Variants in RHBDD3 observed in about 807,000 individuals in gnomAD.
The protein encoded by RHBDD3 is rhomboid domain containing 3.
In RHBDD3, 34 loss-of-function variants were observed where a neutral mutation model predicts 32.3. The ratio of observed to expected loss-of-function variants is 1.05; its 90% CI spans 0.80 to 1.40. The LOEUF is 1.40. Among genes scored for constraint, RHBDD3 ranks in the 40% most tolerant of loss-of-function variants. The probability of loss-of-function intolerance (pLI) is 0.00; values close to 1 mark genes in which losing one functional copy is unlikely to be tolerated. For missense variants in RHBDD3, 482 were observed against 492.6 expected, an observed-to-expected ratio of 0.98 and a Z score of 0.20; for synonymous variants, 249 against 239.1, an observed-to-expected ratio of 1.04 and a Z score of -0.38.
At position 29,260,726 on chromosome 22, in the gene RHBDD3, G is replaced by T; in HGVS notation, c.671C>A (p.Pro224His). The change falls in exon 5 of 7, where the codon CCT (proline) becomes CAT (histidine). Residue 224 changes from proline to histidine, a missense_variant. Physicochemically the swap from Pro to His is moderately conservative, Grantham distance 77. Transcript: ENST00000216085. ...CCTCACTCCGGCAGGATGGGTGACA[G>T]GCAGCTCCGCCAGGCTACCCGGGGT... ...LATPGSLAEL[P>H]VTHPAGVRPP... 1.3e-6 allele frequency: 2 copies of T among 1,591,250 alleles called. No individual in the cohort carries two copies. Among genetic ancestry groups the T allele is most frequent in the East Asian group, 4.5e-5 (2 of 44,364 alleles).
chr22:29,263,956 T>A lies in RHBDD3; in HGVS notation c.411A>T (p.Arg137Ser). ...AMLAGEGHRP[R>S]RPRGALPPWL... ...ACGGTGGCAGTGCCCCACGGGGCCGTCTAGGGCGGTGTCCCTCCCCAGCCA... is the reference window on the plus strand; with the variant it reads ...ACGGTGGCAGTGCCCCACGGGGCCGACTAGGGCGGTGTCCCTCCCCAGCCA... Residue 137 changes from arginine (R) to serine (S), a missense_variant, in exon 4 of 7, where the codon AGA (arginine) becomes AGT (serine). Coordinates refer to ENST00000216085, the MANE Select transcript of RHBDD3 (RefSeq NM_012265.3). 6.4e-7 allele frequency: 1 copy of A among 1,550,530 alleles called. No homozygotes were observed.
At position 29,265,592 on chromosome 22, in the gene RHBDD3, G is replaced by A; in HGVS notation, c.35C>T (p.Pro12Leu). 1 of 1,591,744 alleles carries A rather than the reference G, an allele frequency of 6.3e-7. No individual in the cohort carries two copies. The highest frequency in any genetic ancestry group is 8.5e-7 in the Non-Finnish European group (1 of 1,171,812). Residue 12 changes from proline (P) to leucine (L), a missense_variant, in exon 3 of 7, where the codon CCA (proline) becomes CTA (leucine). By Grantham distance (98) the Pro-to-Leu change is moderately conservative. Coordinates refer to ENST00000216085, the MANE Select transcript of RHBDD3 (RefSeq NM_012265.3). The stretch of plus-strand genomic sequence containing the variant: ...GACTGAGGAGGCCAGAGGCAGTGCT[G>A]GGGACAGTTGGCCATGGGGGCCCCT... The part of the protein sequence containing the change: ...HARGPHGQLS[P>L]ALPLASSVLM...
chr22:29,264,414 C>T (rs921416234), intron 3 of RHBDD3, 196 bp from the exon 4 acceptor site: 23 of 1,409,472 alleles, frequency 1.6e-5, no homozygotes, highest in East Asian at 5.2e-5. Context: ...ACTGTGGCTA[C>T]GCCTCTGTGG....
Position 29,260,756 on chromosome 22 carries a change from A to G in RHBDD3, c.641T>C (p.Leu214Pro). 6.2e-7 allele frequency: 1 copy of G among 1,600,840 alleles called. No individual in the cohort carries two copies. Among genetic ancestry groups the G allele is most frequent in the African/African-American group, 1.3e-5 (1 of 74,780 alleles). ...CTCCGCCAGGCTACCCGGGGTGGCA[A>G]GGAGCCTCAGGGGCCAGCACCCCGC... ...TLAGCWPLRL[L>P]ATPGSLAELP... Residue 214 changes from leucine to proline, a missense_variant, in exon 5 of 7, where the codon CTT becomes CCT. Physicochemically the swap from Leu to Pro is moderately conservative, Grantham distance 98. Coordinates refer to ENST00000216085, the MANE Select transcript of RHBDD3 (RefSeq NM_012265.3).
chr22:29,268,123 G>T (rs1293025579), upstream of RHBDD3: 3 of 629,504 alleles, frequency 4.8e-6, no homozygotes, highest in Non-Finnish European at 8.5e-6. Context: ...ATTTTGGCCC[G>T]AGTGTCACGT....
rs2058151130 is a variant in RHBDD3 at position 29,264,126 on chromosome 22, CCTG to C, written c.238_240del (p.Gln80del). Reference sequence around the variant, plus strand: ...AATCTCAGCGTGCCCAGGTGGCACTCCTGCTGCCAGCCCACAGTGGGCAGGAGC... The same window carrying C: ...AATCTCAGCGTGCCCAGGTGGCACTCCTGCCAGCCCACAGTGGGCAGGAGC... On this transcript the variant is annotated inframe_deletion, in exon 4 of 7. Transcript: ENST00000216085. 1.3e-6 allele frequency: 2 copies of C among 1,584,542 alleles called. No individual in the cohort carries two copies. The highest frequency in any genetic ancestry group is 1.7e-6 in the Non-Finnish European group (2 of 1,166,724).
rs910663489 is a variant in RHBDD3 at position 29,267,467 on chromosome 22, G to C, written c.-84C>G. ...GAGGGCAGAATGGAAAGACAAGGACGGAGATTCTTCCGGTGGCGGATAGAG... is the reference window on the plus strand; with the variant it reads ...GAGGGCAGAATGGAAAGACAAGGACCGAGATTCTTCCGGTGGCGGATAGAG... On this transcript the variant is annotated 5_prime_UTR_variant, in exon 2 of 7. Coordinates refer to ENST00000216085, the MANE Select transcript of RHBDD3 (RefSeq NM_012265.3). The C allele has an allele frequency of 6.5e-6, 1 of 152,862 alleles. No homozygotes were observed. Among genetic ancestry groups the C allele is most frequent in the Admixed American group, 6.5e-5 (1 of 15,292 alleles). The allele number at this position is 152,862 out of a possible 1,614,324, so 9.5% of individuals were successfully genotyped here. A position where few individuals can be genotyped will look rare whatever the true frequency, so the allele number is the denominator to read the frequency against.
At position 29,267,414 on chromosome 22, in the gene RHBDD3, G is replaced by A. The variant is rs574938224; in HGVS notation, c.-43+12C>T. 2 of 152,982 alleles carry A rather than the reference G, an allele frequency of 1.3e-5. No homozygotes were observed. Among genetic ancestry groups the A allele is most frequent in the African/African-American group, 4.8e-5 (2 of 41,588 alleles). 9.5% of individuals were successfully genotyped at this position (152,982 alleles called of 1,614,324 possible). ...TATGAAACGGGGCAGTGCACCACCA[G>A]GCCCTGCCTACCTTACTGGGAAGCC... is the stretch of plus-strand genomic sequence containing the variant. On this transcript the variant is annotated intron_variant, in intron 2 of 6. Coordinates refer to ENST00000216085, the MANE Select transcript of RHBDD3 (RefSeq NM_012265.3).
rs73401088 is a variant in RHBDD3, at chr22:29,265,815, A to C, written c.-42-147T>G. 620 of 741,194 alleles carry C rather than the reference A, an allele frequency of 8.4e-4. 3 individuals are homozygous for C. In the African/African-American group the frequency reaches 0.011, roughly 13 times the overall value. The allele number at this position is 741,194 out of a possible 1,614,324, so 45.9% of individuals were successfully genotyped here. On this transcript the variant is annotated intron_variant, in intron 2 of 6. Coordinates refer to ENST00000216085, the MANE Select transcript of RHBDD3 (RefSeq NM_012265.3). ...CAGCAGCTTGGCCTTAGTGGAGCTC[A>C]GACCCTAACCCATGCGCTCATAAGC...
At chr22:29,265,771 C>T in intron 2 of RHBDD3, 103 bp from the exon 3 acceptor site, 1 of 1,213,364 alleles carries the variant, frequency 8.2e-7, no homozygotes, top group Non-Finnish European at 1.1e-6. Flanking sequence ...GAGGTGGAAA[C>T]AGGCTGGAGA....
At position 29,263,107 on chromosome 22, in the gene RHBDD3, T is replaced by C. The variant is rs2058138228; in HGVS notation, c.532+728A>G. Among the ~76,000 whole-genome samples the C allele has an allele frequency of 2.6e-5, 4 of 152,200 alleles. No homozygotes were observed. The South Asian group carries it at 8.3e-4, about 32-fold the overall frequency. On this transcript the variant is annotated intron_variant, in intron 4 of 6. Coordinates refer to ENST00000216085, the MANE Select transcript of RHBDD3 (RefSeq NM_012265.3). ...TCGCCCAGGCTGGAGTGCAGTGGCA[T>C]GTTCTCGGCTCATTGCAGCCTCTGC...
Position 29,260,082 on chromosome 22 carries a change from G to A in RHBDD3, c.1139C>T (p.Ser380Phe). The A allele has an allele frequency of 6.4e-7, 1 of 1,570,350 alleles. No homozygotes were observed. Among genetic ancestry groups the A allele is most frequent in the Non-Finnish European group, 8.6e-7 (1 of 1,158,196 alleles). Residue 380 changes from serine (S) to phenylalanine (F), a missense_variant, in exon 7 of 7, where the codon TCC (serine) becomes TTC (phenylalanine). Coordinates refer to ENST00000216085, the MANE Select transcript of RHBDD3 (RefSeq NM_012265.3). ...VTHGKGGPAH[S>F]EGPGPP ...GGGCTAGGGAGGCCCAGGACCCTCG[G>A]AGTGGGCAGGCCCACCCTTTCCATG...
intron 4 of RHBDD3, chr22:29,261,404 C>A (rs952780257): frequency 2.6e-5 from 12 of 457,298 alleles, no homozygotes; most frequent in Non-Finnish European, 5.3e-5. Context: ...CAAGACCAGC[C>A]TGGGCAACAT....
intron 2 of RHBDD3, among the ~76,000 whole-genome samples, chr22:29,266,430 A>G (rs1027598727): frequency 6.6e-6 from 1 of 152,192 alleles, no homozygotes; most frequent in Non-Finnish European, 1.5e-5. Context: ...TCAGAGTATG[A>G]TGAAATAAAA....
Position 29,263,863 on chromosome 22 carries a change from G to T in RHBDD3, c.504C>A (p.Leu168=). Residue 168 remains leucine, a synonymous_variant, in exon 4 of 7, where the codon CTC becomes CTA. Coordinates refer to ENST00000216085, the MANE Select transcript of RHBDD3 (RefSeq NM_012265.3). ...LLSSEPPFLQ[L]LCGLLAGLAY... The stretch of plus-strand genomic sequence containing the variant: ...CCAGGCCGGCAAGGAGGCCGCAAAG[G>T]AGCTGCAGGAAGGGTGGCTCAGAGC... 3 of 1,543,274 alleles carry T rather than the reference G, an allele frequency of 1.9e-6. No individual in the cohort carries two copies. Among genetic ancestry groups the T allele is most frequent in the Non-Finnish European group, 1.8e-6 (2 of 1,141,664 alleles).
intron 2 of RHBDD3, among the ~76,000 whole-genome samples, chr22:29,266,655 T>C (rs982918116): frequency 3.9e-5 from 6 of 152,204 alleles, no homozygotes; most frequent in African/African-American, 1.4e-4. Context: ...CGTGCTGTTC[T>C]CTTGCATCCA....
upstream of RHBDD3, chr22:29,268,015 A>G (rs1259226512): frequency 2.2e-6 from 1 of 453,174 alleles, no homozygotes. Flanking sequence ...CCCTAGAGCC[A>G]GCGGACGGAA....
At chr22:29,265,774 G>C (rs1228912461) in intron 2 of RHBDD3, 106 bp from the exon 3 acceptor site, 2 of 1,173,578 alleles carry the variant, frequency 1.7e-6, no homozygotes, top group African/African-American at 3.3e-5. Context: ...GTGGAAACAG[G>C]CTGGAGACGC....
chr22:29,261,795 CA>C, intron 4 of RHBDD3: 5 of 167,692 alleles, frequency 3.0e-5, no homozygotes, highest in Admixed American at 1.1e-4. Flanking sequence ...GATGGGATTA[CA>C]GGCACGTGCC....
Sources: allele counts gnomAD v4.1 joint callset (sites outside exome capture counted in the v4.1 genomes callset), GRCh38; gene constraint gnomAD v4.1.1; transcripts MANE v1.5; gene names NCBI Gene and HGNC (gene_info 2026-07-23, HGNC 2026-07-21).